Variants in ELMO1 observed in about 807,000 individuals in gnomAD.
ELMO1 encodes the protein engulfment and cell motility protein 1.
Under a neutral mutation model 98.9 loss-of-function variants are expected in ELMO1, and 26 were observed. That is an observed-to-expected ratio of 0.26 (90% CI 0.19 to 0.36). The LOEUF is 0.36. ELMO1 is among the 10% of genes least tolerant of loss of function. ELMO1 has a pLI of 1.00. For missense variants in ELMO1, 627 were observed against 935.2 expected, an observed-to-expected ratio of 0.67 and a Z score of 4.30; for synonymous variants, 346 against 346.0, an observed-to-expected ratio of 1.00 and a Z score of 0.00.
At chr7:37,040,469 G>T (rs1795440260) in intron 15 of ELMO1, among the ~76,000 whole-genome samples, 1 of 152,130 alleles carries the variant, frequency 6.6e-6, no homozygotes, top group African/African-American at 2.4e-5. Context: ...ACTGATACAG[G>T]AATGGCAAAA....
chr7:37,043,283 A>G (rs920471793), intron 15 of ELMO1, among the ~76,000 whole-genome samples: 5 of 152,232 alleles, frequency 3.3e-5, no homozygotes, highest in African/African-American at 4.8e-5. Flanking sequence ...ATGATCCTGT[A>G]CTGTGTTAAC....
At chr7:36,974,838 C>CTG (rs1417653613) in intron 16 of ELMO1, among the ~76,000 whole-genome samples, 1 of 152,052 alleles carries the variant, frequency 6.6e-6, no homozygotes, top group Non-Finnish European at 1.5e-5. Flanking sequence ...ACTCCTGAAG[C>CTG]CAGCGAGACC....
At chr7:37,099,096 A>C (rs1347097896) in intron 14 of ELMO1, among the ~76,000 whole-genome samples, 4 of 152,274 alleles carry the variant, frequency 2.6e-5, no homozygotes, top group East Asian at 1.9e-4. Context: ...GTAGTAATTT[A>C]AGTAATCAAT....
At chr7:36,959,439 C>T (rs1173840021) in intron 16 of ELMO1, among the ~76,000 whole-genome samples, 3 of 152,248 alleles carry the variant, frequency 2.0e-5, no homozygotes, top group Middle Eastern at 3.4e-3. Flanking sequence ...TGTTGAGGCT[C>T]ATAAAATAAT....
intron 8 of ELMO1, among the ~76,000 whole-genome samples, chr7:37,225,998 C>T (rs560268607): frequency 2.0e-5 from 3 of 152,124 alleles, no homozygotes; most frequent in African/African-American, 7.2e-5. Flanking sequence ...TTTTTTGCTG[C>T]CCCAGAGACC....
intron 14 of ELMO1, among the ~76,000 whole-genome samples, chr7:37,105,703 C>T (rs1171260237): frequency 6.6e-6 from 1 of 152,132 alleles, no homozygotes; most frequent in Non-Finnish European, 1.5e-5. Context: ...CCATCATTAG[C>T]AAACCTTTTG....
At chr7:36,894,304 C>A (rs1356602066) in intron 17 of ELMO1, among the ~76,000 whole-genome samples, 3 of 152,188 alleles carry the variant, frequency 2.0e-5, no homozygotes, top group Non-Finnish European at 2.9e-5. Flanking sequence ...TGCCTCCCCA[C>A]TGTAGGAATG....
intron 16 of ELMO1, among the ~76,000 whole-genome samples, chr7:36,930,105 T>C (rs1292062308): frequency 6.6e-6 from 1 of 152,186 alleles, no homozygotes; most frequent in Non-Finnish European, 1.5e-5. Context: ...AGTCATGAGC[T>C]CATTGCCTAT....
chr7:37,369,672 T>TA (rs74272020), intron 1 of ELMO1, among the ~76,000 whole-genome samples: 3,851 of 124,168 alleles, frequency 0.031, 129 homozygotes, highest in African/African-American at 0.091. Context: ...GCCCAAAATG[T>TA]AAAAAAAAAA....
chr7:37,080,427 A>T (rs1009852443), intron 15 of ELMO1, among the ~76,000 whole-genome samples: 1 of 141,090 alleles, frequency 7.1e-6, no homozygotes, highest in South Asian at 2.2e-4. Context: ...TCTCTCACCC[A>T]CCATCCCACT....
chr7:37,339,148 T>TG (rs1800584998), intron 2 of ELMO1, among the ~76,000 whole-genome samples: 1 of 152,256 alleles, frequency 6.6e-6, no homozygotes, highest in African/African-American at 2.4e-5. Context: ...GTCTAATGAC[T>TG]GCTTCTCAAA....
At chr7:37,255,577 CT>C (rs1795595659) in intron 6 of ELMO1, among the ~76,000 whole-genome samples, 1 of 152,214 alleles carries the variant, frequency 6.6e-6, no homozygotes, top group Non-Finnish European at 1.5e-5. Flanking sequence ...CCACAGGCCC[CT>C]GTTCAGAATG....
chr7:37,102,623 C>T (rs1784700161), intron 14 of ELMO1, among the ~76,000 whole-genome samples: 1 of 152,204 alleles, frequency 6.6e-6, no homozygotes, highest in African/African-American at 2.4e-5. Flanking sequence ...CATTTCTCTC[C>T]CAGGCCTTCT....
intron 1 of ELMO1, among the ~76,000 whole-genome samples, chr7:37,447,883 T>C (rs1165256686): frequency 2.0e-5 from 3 of 151,264 alleles, no homozygotes. Context: ...CACTCTCCGC[T>C]CCGATTCCCG....
chr7:37,134,056 A>G (rs1029658407), intron 13 of ELMO1, among the ~76,000 whole-genome samples: 1 of 152,220 alleles, frequency 6.6e-6, no homozygotes, highest in Non-Finnish European at 1.5e-5. Context: ...GCAAATGAAA[A>G]CTACAATGAG....
intron 13 of ELMO1, among the ~76,000 whole-genome samples, chr7:37,163,768 T>G (rs1160049210): frequency 2.0e-5 from 3 of 152,194 alleles, no homozygotes; most frequent in African/African-American, 7.2e-5. Context: ...TCCAAGTCTT[T>G]GCTATTGTGA....
chr7:37,274,693 C>T (rs1252681946), intron 4 of ELMO1, among the ~76,000 whole-genome samples: 1 of 152,132 alleles, frequency 6.6e-6, no homozygotes, highest in East Asian at 1.9e-4. Flanking sequence ...GCTGGGATTA[C>T]AGGAGCCTGT....
chr7:37,144,853 A>G (rs1584715413), intron 13 of ELMO1, among the ~76,000 whole-genome samples: 1 of 152,168 alleles, frequency 6.6e-6, no homozygotes, highest in African/African-American at 2.4e-5. Flanking sequence ...CTTTTCTGTT[A>G]CCTGCCTGTC....
intron 4 of ELMO1, among the ~76,000 whole-genome samples, chr7:37,291,972 TTTC>T (rs1797712734): frequency 1.1e-4 from 3 of 27,956 alleles, no homozygotes; most frequent in Non-Finnish European, 2.3e-4. Flanking sequence ...TCTCCCTCTC[TTTC>T]CACGGTCTCC....
Sources: gnomAD v4.1 joint callset for allele counts (sites outside exome capture counted in the v4.1 genomes callset) on GRCh38, gnomAD v4.1.1 for gene constraint, MANE v1.5 for transcripts, NCBI Gene and HGNC (gene_info 2026-07-23, HGNC 2026-07-21) for gene names.